The following CLEC3A variants were observed in gnomAD, a reference collection of about 807,000 sequenced individuals.
CLEC3A encodes C-type lectin domain family 3 member A.
In CLEC3A, 28 loss-of-function variants were observed where a neutral mutation model predicts 20.4. That is an observed-to-expected ratio of 1.37 (90% CI 1.02 to 1.88). The LOEUF is 1.88. Ranked by LOEUF, CLEC3A falls within the 40% of genes most tolerant of loss-of-function variation. The pLI is 0.00. For missense variants in CLEC3A, 357 were observed against 240.4 expected (o/e 1.48, Z -3.21); for synonymous variants, 110 against 88.1 (o/e 1.25, Z -1.39).
intron 1 of CLEC3A, among the ~76,000 whole-genome samples, chr16:78,024,270 C>T (rs553265157): frequency 6.6e-6 from 1 of 152,190 alleles, no homozygotes; most frequent in African/African-American, 2.4e-5. Context: ...GTGAGAGTGG[C>T]GATCACCCAG....
intron 2 of CLEC3A, chr16:78,028,946 A>T (rs77727907): frequency 0.021 from 6,925 of 337,652 alleles, 110 homozygotes; most frequent in African/African-American, 0.045. Flanking sequence ...AGGGTGACAT[A>T]CTCCCTTTAT....
chr16:78,029,232 A>C, intron 2 of CLEC3A: 1 of 428,402 alleles, frequency 2.3e-6, no homozygotes, highest in Non-Finnish European at 4.6e-6. Flanking sequence ...CTGAGGCCTG[A>C]CTCTCCAGTG....
chr16:78,028,858 A>C (rs74695455), intron 2 of CLEC3A, among the ~76,000 whole-genome samples: 1 of 152,234 alleles, frequency 6.6e-6, no homozygotes, highest in African/African-American at 2.4e-5. Flanking sequence ...CTTTCCATCA[A>C]GTATTTATAA....
intron 1 of CLEC3A, among the ~76,000 whole-genome samples, chr16:78,027,075 A>G (rs143470673): frequency 2.4e-3 from 373 of 152,292 alleles, no homozygotes; most frequent in Middle Eastern, 6.8e-3. Context: ...CTCCCTTCAT[A>G]GCTATGTTTG....
At chr16:78,030,298 C>A in intron 2 of CLEC3A, 149 bp from the exon 3 acceptor site, 1 of 696,576 alleles carries the variant, frequency 1.4e-6, no homozygotes, top group South Asian at 2.0e-5. Flanking sequence ...AAATGCTTAG[C>A]ATGTTGTCCG....
chr16:78,023,465 C>T lies in CLEC3A; in HGVS notation c.115+724C>T, dbSNP rs775455766. On this transcript the variant is annotated intron_variant, in intron 1 of 2. Transcript: ENST00000299642. The stretch of plus-strand genomic sequence containing the variant: ...AAATTGAAAAGAACAATGATGATAG[C>T]GAGGTGTTTGCAATACGTTGAAACC... Among the ~76,000 whole-genome samples the T allele has an allele frequency of 1.2e-4, 18 of 152,038 alleles. 1 individual carries two copies. In the South Asian group the frequency reaches 2.7e-3, roughly 23 times the overall value.
intron 1 of CLEC3A, among the ~76,000 whole-genome samples, chr16:78,025,786 A>T (rs758055733): frequency 6.6e-5 from 10 of 152,178 alleles, no homozygotes; most frequent in Non-Finnish European, 1.2e-4. Context: ...TACATAAAAG[A>T]CATCTATATC....
chr16:78,025,046 G>C (rs2018794984), intron 1 of CLEC3A, among the ~76,000 whole-genome samples: 2 of 152,164 alleles, frequency 1.3e-5, no homozygotes. Context: ...ATGTTGGCCA[G>C]GCTAGTCTCA....
intron 2 of CLEC3A, chr16:78,029,077 C>T (rs2030008902): frequency 6.6e-6 from 3 of 453,286 alleles, no homozygotes; most frequent in African/African-American, 4.0e-5. Flanking sequence ...AACACAAATC[C>T]ATTAATCCTC....
chr16:78,022,635 G>C lies in CLEC3A; in HGVS notation c.9G>C (p.Lys3Asn), dbSNP rs1283932944. The change falls in exon 1 of 3, where the codon AAG becomes AAC. Residue 3 changes from lysine (K) to asparagine (N), a missense_variant. By Grantham distance (94) the Lys-to-Asn change is moderately conservative (BLOSUM62 0). Transcript: ENST00000299642. MA[K>N]NGLVICILVI... Reference sequence around the variant, plus strand: ...AGGCTTGCCCCAGAGCCATGGCAAAGAATGGACTTGTAATTTGCATCCTGG... The same window carrying C: ...AGGCTTGCCCCAGAGCCATGGCAAACAATGGACTTGTAATTTGCATCCTGG... 1 of 1,614,002 alleles carries C rather than the reference G, an allele frequency of 6.2e-7. No homozygotes were observed. Among genetic ancestry groups the C allele is most frequent in the Non-Finnish European group, 8.5e-7 (1 of 1,180,022 alleles).
rs757280362 is a variant in CLEC3A at position 78,028,111 on chromosome 16, G to T, written c.120G>T (p.Lys40Asn). 7 of 1,607,066 alleles carry T rather than the reference G, an allele frequency of 4.4e-6. No individual in the cohort carries two copies. Among genetic ancestry groups the T allele is most frequent in the Middle Eastern group, 1.7e-4 (1 of 6,040 alleles). Reference protein sequence around the residue: ...RKHSKRRVRDKDGDLKTQIEK... With the variant: ...RKHSKRRVRDNDGDLKTQIEK... ...CCACCCTAAAATTTTCCCCAGACAA[G>T]GATGGAGATCTGAAGACTCAAATTG... Residue 40 changes from lysine to asparagine, a missense_variant, in exon 2 of 3, where the codon AAG (lysine) becomes AAT (asparagine). Lys to Asn is a moderately conservative substitution (Grantham distance 94). Transcript: ENST00000299642.
chr16:78,022,758 A>G lies in CLEC3A; in HGVS notation c.115+17A>G, dbSNP rs2018766363. On this transcript the variant is annotated intron_variant, in intron 1 of 2. Transcript: ENST00000299642. ...GAGTGAGAGGTAATGGGGCTTCTCA[A>G]TCAAGCAAAATTCTAGGCTTAGACA... The G allele has an allele frequency of 6.2e-7, 1 of 1,613,630 alleles. No homozygotes were observed. Among genetic ancestry groups the G allele is most frequent in the Non-Finnish European group, 8.5e-7 (1 of 1,179,738 alleles).
At position 78,028,144 on chromosome 16, in the gene CLEC3A, C is replaced by G. The variant is rs1302794026; in HGVS notation, c.153C>G (p.Leu51=). 1 of 1,611,834 alleles carries G rather than the reference C, an allele frequency of 6.2e-7. No individual in the cohort carries two copies. Among genetic ancestry groups the G allele is most frequent in the East Asian group, 2.2e-5 (1 of 44,762 alleles). The change falls in exon 2 of 3, where the codon CTC becomes CTG. Residue 51 remains leucine (L), a synonymous_variant. Transcript: ENST00000299642. The part of the protein sequence containing the change: ...DGDLKTQIEK[L]WTEVNALKEI... ...ATCTGAAGACTCAAATTGAAAAGCT[C>G]TGGACAGAAGTCAATGCCTTGAAGG...
In CLEC3A at chr16:78,031,936, G is replaced by T. The variant is rs2030140905; in HGVS notation, c.*1095G>T. The T allele has an allele frequency of 6.6e-6, 1 of 152,528 alleles. No homozygotes were observed. Among genetic ancestry groups the T allele is most frequent in the African/African-American group, 2.4e-5 (1 of 41,438 alleles). 9.4% of individuals were successfully genotyped at this position (152,528 alleles called of 1,614,324 possible). ...GACTTGGAGGGAAATGGGCTTTTTA[G>T]AAGCAAACAATTTTAAATATATTTT... On this transcript the variant is annotated 3_prime_UTR_variant, in exon 3 of 3. Transcript: ENST00000299642.
At chr16:78,026,199 C>G (rs1261570375) in intron 1 of CLEC3A, among the ~76,000 whole-genome samples, 1 of 152,122 alleles carries the variant, frequency 6.6e-6, no homozygotes, top group Non-Finnish European at 1.5e-5. Flanking sequence ...CAGGGGCCAC[C>G]CCTGGATATT....
In CLEC3A at chr16:78,022,784, G is replaced by A. The variant is rs767355310; in HGVS notation, c.115+43G>A. The A allele has an allele frequency of 3.1e-6, 5 of 1,601,590 alleles. No individual in the cohort carries two copies. In the South Asian group the frequency reaches 5.5e-5, roughly 18 times the overall value. On this transcript the variant is annotated intron_variant, in intron 1 of 2. Coordinates refer to ENST00000299642, the MANE Select transcript of CLEC3A (RefSeq NM_005752.6). ...TCAAGCAAAATTCTAGGCTTAGACAGTGTGGGGAGGTGCTGGACAATGTTA... is the reference window on the plus strand; with the variant it reads ...TCAAGCAAAATTCTAGGCTTAGACAATGTGGGGAGGTGCTGGACAATGTTA...
At position 78,022,610 on chromosome 16, in the gene CLEC3A, A is replaced by G. The variant is rs769393476; in HGVS notation, c.-17A>G. 2 of 1,613,600 alleles carry G rather than the reference A, an allele frequency of 1.2e-6. No individual in the cohort carries two copies. Among genetic ancestry groups the G allele is most frequent in the South Asian group, 1.1e-5 (1 of 90,960 alleles). ...AAGGGGGCTGGCAACATGGCTCAGC[A>G]GGCTTGCCCCAGAGCCATGGCAAAG... is the stretch of plus-strand genomic sequence containing the variant. On this transcript the variant is annotated 5_prime_UTR_variant, in exon 1 of 3. Coordinates refer to ENST00000299642, the MANE Select transcript of CLEC3A (RefSeq NM_005752.6).
intron 2 of CLEC3A, among the ~76,000 whole-genome samples, chr16:78,029,765 T>C (rs796139044): frequency 3.3e-5 from 5 of 152,134 alleles, no homozygotes; most frequent in African/African-American, 9.6e-5. Context: ...AGCATGTATA[T>C]ATCAGAACAG....
intron 1 of CLEC3A, among the ~76,000 whole-genome samples, chr16:78,024,112 C>T (rs1210164800): frequency 6.6e-6 from 1 of 152,072 alleles, no homozygotes; most frequent in Non-Finnish European, 1.5e-5. Flanking sequence ...GTACTTCTTT[C>T]GGTGAAAGAT....
Sources: allele counts gnomAD v4.1 joint callset (sites outside exome capture counted in the v4.1 genomes callset), GRCh38; gene constraint gnomAD v4.1.1; transcripts MANE v1.5; gene names NCBI Gene and HGNC (gene_info 2026-07-23, HGNC 2026-07-21).